EPB41L4A: variants seen among roughly 807,000 people sequenced by gnomAD.
EPB41L4A encodes the protein band 4.1-like protein 4A.
Under a neutral mutation model 108.6 loss-of-function variants are expected in EPB41L4A, and 100 were observed. That is an observed-to-expected ratio of 0.92 (90% CI 0.78 to 1.09). The LOEUF (loss-of-function observed/expected upper bound fraction) is 1.09. Among genes scored for constraint, EPB41L4A ranks in the 50% least tolerant of loss-of-function variants. The pLI is 0.00. For missense variants in EPB41L4A, 1,030 were observed against 842.7 expected (o/e 1.22, Z -2.75); for synonymous variants, 319 against 289.0 (o/e 1.10, Z -1.05).
rs548943792 is a variant in EPB41L4A at position 112,305,843 on chromosome 5, G to A, written c.204+1543C>T. ...ATGACTTAAGAGCTTTCTCCTAAAT[G>A]TGTCATTTCTCCTAAAACCTGTATT... On this transcript the variant is annotated intron_variant, in intron 2 of 22. Transcript: ENST00000261486. Among the ~76,000 whole-genome samples, 3 of 152,176 alleles carry A rather than the reference G, an allele frequency of 2.0e-5. No homozygotes were observed. In the South Asian group the frequency reaches 6.2e-4, roughly 32 times the overall value.
intron 1 of EPB41L4A, among the ~76,000 whole-genome samples, chr5:112,358,669 A>G (rs1248414801): frequency 6.6e-6 from 1 of 152,198 alleles, no homozygotes; most frequent in Non-Finnish European, 1.5e-5. Context: ...AGCTAAACAT[A>G]CACCTACCCT....
chr5:112,362,548 TGG>T (rs1758840010), intron 1 of EPB41L4A, among the ~76,000 whole-genome samples: 1 of 152,200 alleles, frequency 6.6e-6, no homozygotes, highest in Non-Finnish European at 1.5e-5. Flanking sequence ...CCCAAAGTGC[TGG>T]GATTACAGGC....
intron 6 of EPB41L4A, among the ~76,000 whole-genome samples, chr5:112,263,051 T>A (rs1373652988): frequency 6.6e-6 from 1 of 152,202 alleles, no homozygotes; most frequent in Admixed American, 6.5e-5. Context: ...ACCACATGTG[T>A]AGTTTGAAAA....
intron 18 of EPB41L4A, among the ~76,000 whole-genome samples, chr5:112,176,661 G>A (rs966817927): frequency 2.0e-5 from 3 of 151,032 alleles, no homozygotes; most frequent in Non-Finnish European, 2.9e-5. Flanking sequence ...AGCGTCTCAC[G>A]TGGACCACTG....
In EPB41L4A at chr5:112,174,132, C is replaced by T. The variant is rs542116072; in HGVS notation, c.1623-3140G>A. On this transcript the variant is annotated intron_variant, in intron 18 of 22. Transcript: ENST00000261486. ...TTTAAGGCGAGGAAAAGTTCCAAAGCTTAAAAAATGCTAATTTCCTCTGAT... is the reference window on the plus strand; with the variant it reads ...TTTAAGGCGAGGAAAAGTTCCAAAGTTTAAAAAATGCTAATTTCCTCTGAT... 7.6e-4 allele frequency among the ~76,000 whole-genome samples: 116 copies of T among 152,298 alleles called. 3 individuals are homozygous for T. The South Asian group carries it at 0.023, about 30-fold the overall frequency.
chr5:112,235,622 G>A (rs1749273925), intron 11 of EPB41L4A, among the ~76,000 whole-genome samples: 1 of 152,130 alleles, frequency 6.6e-6, no homozygotes, highest in Non-Finnish European at 1.5e-5. Context: ...GATAAACACA[G>A]GTGAGTGTTT....
chr5:112,279,892 A>G (rs1412563153), intron 3 of EPB41L4A, among the ~76,000 whole-genome samples: 1 of 152,096 alleles, frequency 6.6e-6, no homozygotes, highest in Non-Finnish European at 1.5e-5. Flanking sequence ...AACCCAAGAA[A>G]CTCAAGCTCT....
chr5:112,380,315 G>A (rs1243184631), intron 1 of EPB41L4A, among the ~76,000 whole-genome samples: 2 of 152,096 alleles, frequency 1.3e-5, no homozygotes, highest in East Asian at 1.9e-4. Context: ...CTCTCCCCCT[G>A]CTTGTTCAAT....
intron 12 of EPB41L4A, among the ~76,000 whole-genome samples, chr5:112,152,514 T>C (rs1353550170): frequency 2.0e-5 from 3 of 152,190 alleles, no homozygotes; most frequent in Non-Finnish European, 4.4e-5. Context: ...GGGAGCCTGT[T>C]AGCCCCTTTC....
At chr5:112,317,884 A>G (rs1755531318) in intron 1 of EPB41L4A, among the ~76,000 whole-genome samples, 1 of 152,244 alleles carries the variant, frequency 6.6e-6, no homozygotes, top group Non-Finnish European at 1.5e-5. Flanking sequence ...GAGATAACCC[A>G]TATGAACAAA....
At chr5:112,244,181 G>A (rs1313001815) in intron 9 of EPB41L4A, among the ~76,000 whole-genome samples, 2 of 152,164 alleles carry the variant, frequency 1.3e-5, no homozygotes, top group Non-Finnish European at 2.9e-5. Context: ...ACTGTTTCTT[G>A]GAAACTAGGG....
At chr5:112,211,111 T>TA (rs941398273) in intron 12 of EPB41L4A, among the ~76,000 whole-genome samples, 14 of 151,944 alleles carry the variant, frequency 9.2e-5, no homozygotes, top group Admixed American at 2.6e-4. Flanking sequence ...TTAAAAGATT[T>TA]AAAAAAAATG....
rs373937211 is a variant in EPB41L4A, at chr5:112,211,350, G to A, written c.1088-1368C>T. ...TGTCATCCCAGCACTTTGGGAAGCCGAGGCGGGCGGATCACGAGGTCAGGA... is the reference window on the plus strand; with the variant it reads ...TGTCATCCCAGCACTTTGGGAAGCCAAGGCGGGCGGATCACGAGGTCAGGA... On this transcript the variant is annotated intron_variant, in intron 12 of 22. Transcript: ENST00000261486. 7.1e-4 allele frequency among the ~76,000 whole-genome samples: 108 copies of A among 152,274 alleles called. 3 individuals carry two copies. In the South Asian group the frequency reaches 0.021, roughly 29 times the overall value.
intron 17 of EPB41L4A, among the ~76,000 whole-genome samples, chr5:112,189,278 G>A (rs1018532606): frequency 6.6e-6 from 1 of 152,174 alleles, no homozygotes; most frequent in African/African-American, 2.4e-5. Flanking sequence ...TGCCTGTGCA[G>A]GGCACTTTCT....
At chr5:112,319,539 G>A (rs1465436555) in intron 1 of EPB41L4A, among the ~76,000 whole-genome samples, 1 of 152,014 alleles carries the variant, frequency 6.6e-6, no homozygotes, top group African/African-American at 2.4e-5. Flanking sequence ...ACCAACAACA[G>A]CAAAAAATAC....
At chr5:112,247,025 G>A (rs1434340109) in intron 9 of EPB41L4A, among the ~76,000 whole-genome samples, 1 of 152,206 alleles carries the variant, frequency 6.6e-6, no homozygotes, top group Non-Finnish European at 1.5e-5. Flanking sequence ...CTGACAATGT[G>A]TAGTAGGCTA....
At chr5:112,357,651 C>G (rs1204111762) in intron 1 of EPB41L4A, among the ~76,000 whole-genome samples, 3 of 152,172 alleles carry the variant, frequency 2.0e-5, no homozygotes, top group African/African-American at 4.8e-5. Context: ...AGAACTGTAA[C>G]TAGTACATTT....
intron 11 of EPB41L4A, among the ~76,000 whole-genome samples, chr5:112,238,689 C>A (rs988499637): frequency 2.0e-5 from 3 of 152,144 alleles, no homozygotes; most frequent in Admixed American, 1.3e-4. Context: ...CATCTCCCCA[C>A]CCTGCTTGGG....
At chr5:112,218,842 C>T (rs1331437149) in intron 12 of EPB41L4A, among the ~76,000 whole-genome samples, 5 of 151,988 alleles carry the variant, frequency 3.3e-5, no homozygotes, top group Non-Finnish European at 4.4e-5. Flanking sequence ...AACAATGTAC[C>T]TTGTGCTTGT....
Sources: allele counts gnomAD v4.1 joint callset (sites outside exome capture counted in the v4.1 genomes callset), GRCh38; gene constraint gnomAD v4.1.1; transcripts MANE v1.5; gene names NCBI Gene and HGNC (gene_info 2026-07-23, HGNC 2026-07-21).